TBC1D19: variants seen among roughly 807,000 people sequenced by gnomAD.
The protein encoded by TBC1D19 is TBC1 domain family, member 19.
Under a neutral mutation model 89.0 loss-of-function variants are expected in TBC1D19, and 60 were observed. That is an observed-to-expected ratio of 0.67 (90% CI 0.55 to 0.84). The LOEUF (loss-of-function observed/expected upper bound fraction) is 0.84. Ranked by LOEUF, TBC1D19 falls within the 40% of genes least tolerant of loss-of-function variation. TBC1D19 has a pLI of 0.00. For missense variants in TBC1D19, 500 were observed against 610.8 expected (o/e 0.82, Z 1.91); for synonymous variants, 189 against 199.7 (o/e 0.95, Z 0.45).
chr4:26,641,213 C>T (rs1438919208), intron 7 of TBC1D19, among the ~76,000 whole-genome samples: 1 of 152,200 alleles, frequency 6.6e-6, no homozygotes, highest in Non-Finnish European at 1.5e-5. Context: ...GAGGAAGCAT[C>T]AGGCAGCAAT....
At chr4:26,656,869 G>C (rs260936) in intron 7 of TBC1D19, among the ~76,000 whole-genome samples, 2 of 151,692 alleles carry the variant, frequency 1.3e-5, no homozygotes, top group Non-Finnish European at 2.9e-5. Flanking sequence ...ACTTATTTTT[G>C]AAAATTATAT....
chr4:26,753,785 G>C, intron 19 of TBC1D19, 35 bp from the exon 20 acceptor site: 2 of 1,612,924 alleles, frequency 1.2e-6, no homozygotes, highest in Non-Finnish European at 1.7e-6. Context: ...CTGATGAGTA[G>C]GCCAGCAGTT....
chr4:26,743,181 T>G (rs557023303), intron 18 of TBC1D19, among the ~76,000 whole-genome samples: 25 of 152,168 alleles, frequency 1.6e-4, no homozygotes, highest in African/African-American at 5.8e-4. Context: ...TAAAAAAAAA[T>G]GTCTAAAGCA....
At chr4:26,745,190 A>G (rs2109322734) in intron 18 of TBC1D19, among the ~76,000 whole-genome samples, 1 of 152,150 alleles carries the variant, frequency 6.6e-6, no homozygotes, top group East Asian at 1.9e-4. Flanking sequence ...TCTTTTACTT[A>G]ACATATTGAT....
At chr4:26,855,059 G>C in the TBC1D19 span, among the ~76,000 whole-genome samples, 2 of 152,200 alleles carry the variant, frequency 1.3e-5, no homozygotes, top group Non-Finnish European at 2.9e-5. Flanking sequence ...AGACTGAGCA[G>C]CCAGCTCAGT....
intron 13 of TBC1D19, among the ~76,000 whole-genome samples, chr4:26,697,308 C>G (rs188531678): frequency 6.6e-6 from 1 of 152,132 alleles, no homozygotes; most frequent in East Asian, 1.9e-4. Context: ...AGAGATTCAA[C>G]CAGGAAGAAG....
the TBC1D19 span, among the ~76,000 whole-genome samples, chr4:26,788,662 A>G: frequency 7.9e-5 from 12 of 152,334 alleles, no homozygotes; most frequent in African/African-American, 2.9e-4. Context: ...GACATTCTGA[A>G]CATAGCCCCC....
At chr4:26,775,748 C>A in the TBC1D19 span, among the ~76,000 whole-genome samples, 1 of 152,142 alleles carries the variant, frequency 6.6e-6, no homozygotes, top group Non-Finnish European at 1.5e-5. Context: ...AAGACAAATT[C>A]ATACAGGAAA....
At chr4:26,819,276 A>G in the TBC1D19 span, among the ~76,000 whole-genome samples, 43 of 152,122 alleles carry the variant, frequency 2.8e-4, no homozygotes, top group Admixed American at 2.8e-3. Context: ...GGTGTGAGCT[A>G]TCAAGGTAGT....
the TBC1D19 span, among the ~76,000 whole-genome samples, chr4:26,808,019 G>A: frequency 6.6e-6 from 1 of 152,214 alleles, no homozygotes; most frequent in African/African-American, 2.4e-5. Flanking sequence ...CTGATGCCAG[G>A]CAGTCTAGCT....
the TBC1D19 span, among the ~76,000 whole-genome samples, chr4:26,821,766 C>T: frequency 6.6e-6 from 1 of 152,236 alleles, no homozygotes; most frequent in Admixed American, 6.5e-5. Context: ...TGCTGGAAGT[C>T]CCTGTCCCTG....
At chr4:26,818,896 A>G in the TBC1D19 span, among the ~76,000 whole-genome samples, 2 of 152,206 alleles carry the variant, frequency 1.3e-5, no homozygotes, top group African/African-American at 4.8e-5. Context: ...ACCACTGTAT[A>G]ATTATCAAAA....
the TBC1D19 span, among the ~76,000 whole-genome samples, chr4:26,765,924 G>C: frequency 7.2e-5 from 11 of 152,108 alleles, no homozygotes; most frequent in African/African-American, 2.4e-4. Flanking sequence ...TCACTGCAAG[G>C]TTTTTTTGAA....
chr4:26,714,404 TA>T (rs1193942802), intron 13 of TBC1D19, among the ~76,000 whole-genome samples: 5 of 152,082 alleles, frequency 3.3e-5, no homozygotes, highest in African/African-American at 4.8e-5. Context: ...GAACTGAAAC[TA>T]CTCTCGTCAA....
the TBC1D19 span, among the ~76,000 whole-genome samples, chr4:26,850,847 G>T: frequency 6.6e-6 from 1 of 152,174 alleles, no homozygotes; most frequent in African/African-American, 2.4e-5. Context: ...GGGACACCTA[G>T]ATAGCTGGCA....
intron 7 of TBC1D19, among the ~76,000 whole-genome samples, chr4:26,655,873 AC>A (rs1185605172): frequency 6.6e-6 from 1 of 152,048 alleles, no homozygotes; most frequent in Non-Finnish European, 1.5e-5. Flanking sequence ...CGCTGCACCC[AC>A]TGTCCTGCAC....
intron 18 of TBC1D19, among the ~76,000 whole-genome samples, chr4:26,743,749 A>G (rs1432512816): frequency 6.6e-6 from 1 of 151,894 alleles, no homozygotes; most frequent in Non-Finnish European, 1.5e-5. Context: ...TTCATGATTC[A>G]GAAATATTTT....
chr4:26,656,524 A>T lies in TBC1D19; in HGVS notation c.481-3073A>T, dbSNP rs947432144. On this transcript the variant is annotated intron_variant, in intron 7 of 20. Transcript: ENST00000264866. ...ATACTTACAGAAGTAAGATTCCTAC[A>T]TTAAATGGTATGTCAGTATCTAAGT... Among the ~76,000 whole-genome samples the T allele has an allele frequency of 4.6e-5, 7 of 151,256 alleles. No individual in the cohort carries two copies. In the South Asian group the frequency reaches 1.0e-3, roughly 23 times the overall value.
the TBC1D19 span, among the ~76,000 whole-genome samples, chr4:26,761,380 AGTAAT>A: frequency 3.9e-5 from 6 of 152,184 alleles, no homozygotes; most frequent in African/African-American, 1.4e-4. Context: ...AATTTTACTC[AGTAAT>A]ATTTTGTAGT....
Sources: allele counts gnomAD v4.1 joint callset (sites outside exome capture counted in the v4.1 genomes callset), GRCh38; gene constraint gnomAD v4.1.1; transcripts MANE v1.5; gene names NCBI Gene and HGNC (gene_info 2026-07-23, HGNC 2026-07-21).